Variants in SHISAL2A observed in about 807,000 individuals in gnomAD.
The protein encoded by SHISAL2A is shisa like 2A, also known as protein shisa-like-2A.
In SHISAL2A, 18 loss-of-function variants were observed where a neutral mutation model predicts 11.5. That is an observed-to-expected ratio of 1.57 (90% CI 1.08 to 2.33). The LOEUF (loss-of-function observed/expected upper bound fraction) is 2.33. Ranked by LOEUF, SHISAL2A falls within the 30% of genes most tolerant of loss-of-function variation. The pLI, the probability that SHISAL2A is intolerant of heterozygous loss-of-function variation, is 0.00. For missense variants in SHISAL2A, 261 were observed against 250.9 expected (o/e 1.04, Z -0.27); for synonymous variants, 94 against 99.6 (o/e 0.94, Z 0.34).
At chr1:52,660,063 A>G (rs1691873361), downstream of SHISAL2A, among the ~76,000 whole-genome samples, 1 of 152,144 alleles carries the variant, frequency 6.6e-6, no homozygotes, top group Non-Finnish European at 1.5e-5. Flanking sequence ...GGTCAGGAGT[A>G]AGTCCCCAGA....
chr1:52,644,578 G>A (rs1288626820), intron 2 of SHISAL2A, among the ~76,000 whole-genome samples: 4 of 152,126 alleles, frequency 2.6e-5, no homozygotes, highest in Non-Finnish European at 5.9e-5. Flanking sequence ...TACAAAATTA[G>A]CTGGGTGTGG....
downstream of SHISAL2A, among the ~76,000 whole-genome samples, chr1:52,657,682 C>A (rs1691820128): frequency 6.6e-6 from 1 of 152,102 alleles, no homozygotes; most frequent in Admixed American, 6.6e-5. Context: ...CAGTGAGACC[C>A]AGACTCTACA....
intron 1 of SHISAL2A, among the ~76,000 whole-genome samples, chr1:52,635,512 G>A (rs1055593442): frequency 2.0e-5 from 3 of 152,094 alleles, no homozygotes; most frequent in African/African-American, 7.2e-5. Context: ...CTGGGTAGGG[G>A]AGCTCACAAG....
At chr1:52,650,056 C>A (rs1691592835) in intron 2 of SHISAL2A, among the ~76,000 whole-genome samples, 1 of 152,202 alleles carries the variant, frequency 6.6e-6, no homozygotes, top group African/African-American at 2.4e-5. Context: ...CCTGCAGCAG[C>A]TGCCCCTATA....
chr1:52,657,019 C>T lies in SHISAL2A; in HGVS notation c.552C>T (p.Asp184=). The T allele has an allele frequency of 6.2e-7, 1 of 1,608,406 alleles. No individual in the cohort carries two copies. The highest frequency in any genetic ancestry group is 8.5e-7 in the Non-Finnish European group (1 of 1,176,470). The change falls in exon 3 of 3, where the codon GAC becomes GAT. Residue 184 remains aspartate, a synonymous_variant. Coordinates refer to ENST00000517870, the MANE Select transcript of SHISAL2A (RefSeq NM_001042693.3). ...AGGAAGCCTCTGTACCCAACCCTGA[C>T]CTATGTGGACCAGTCCCATAAACAT... is the stretch of plus-strand genomic sequence containing the variant. ...SPEEASVPNP[D]LCGPVP is the part of the protein sequence containing the mutation.
chr1:52,639,383 A>G (rs1480089767), intron 1 of SHISAL2A, among the ~76,000 whole-genome samples: 1 of 152,160 alleles, frequency 6.6e-6, no homozygotes, highest in Non-Finnish European at 1.5e-5. Context: ...GGGTTATGCC[A>G]TGTAATTAGT....
chr1:52,651,710 T>C (rs1456173573), intron 2 of SHISAL2A, among the ~76,000 whole-genome samples: 1 of 152,184 alleles, frequency 6.6e-6, no homozygotes, highest in Non-Finnish European at 1.5e-5. Context: ...GTTTCTTCTC[T>C]TTGAGCTAGA....
intron 2 of SHISAL2A, among the ~76,000 whole-genome samples, chr1:52,644,287 G>C (rs1691443648): frequency 6.6e-6 from 1 of 152,188 alleles, no homozygotes; most frequent in East Asian, 1.9e-4. Flanking sequence ...AAGGAGAAAG[G>C]CTGTCCCAGC....
rs1691405079 is a variant in SHISAL2A, at chr1:52,642,992, A to G, written c.312A>G (p.Leu104=). The G allele has an allele frequency of 6.2e-7, 1 of 1,614,000 alleles. No individual in the cohort carries two copies. Among genetic ancestry groups the G allele is most frequent in the Non-Finnish European group, 8.5e-7 (1 of 1,180,008 alleles). The change falls in exon 2 of 3, where the codon TTA becomes TTG. Residue 104 remains leucine, a synonymous_variant. Transcript: ENST00000517870. ...PHTKLDLGLS[L]QTAGPEEVSP... is the part of the protein sequence containing the mutation. ...CAAAGTTGGACCTGGGCTTGAGCTT[A>G]CAGACAGCAGGTAAGGAAGTTGCCA...
At chr1:52,647,855 GA>G (rs1042691022) in intron 2 of SHISAL2A, among the ~76,000 whole-genome samples, 1 of 145,786 alleles carries the variant, frequency 6.9e-6, no homozygotes, top group Non-Finnish European at 1.5e-5. Flanking sequence ...AAAAAAAAAA[GA>G]AAAAAAGAAA....
At chr1:52,658,983 A>T (rs1277860069), downstream of SHISAL2A, among the ~76,000 whole-genome samples, 2 of 152,136 alleles carry the variant, frequency 1.3e-5, no homozygotes, top group Non-Finnish European at 2.9e-5. Flanking sequence ...GCTGGAAGTC[A>T]AGAGATTTTG....
chr1:52,664,469 C>A (rs1276284991), intron 4 of SHISAL2A, among the ~76,000 whole-genome samples: 2 of 152,026 alleles, frequency 1.3e-5, no homozygotes, highest in African/African-American at 4.8e-5. Context: ...GATTCTCCTG[C>A]CTCAGCCTCC....
intron 1 of SHISAL2A, 56 bp from the exon 2 acceptor site, chr1:52,642,807 T>C (rs1691396583): frequency 6.4e-7 from 1 of 1,564,728 alleles, no homozygotes. Flanking sequence ...TTTTATAACA[T>C]CTGTCTCCCA....
chr1:52,663,573 C>T (rs147161163), intron 4 of SHISAL2A, among the ~76,000 whole-genome samples: 97 of 152,192 alleles, frequency 6.4e-4, no homozygotes, highest in African/African-American at 2.1e-3. Flanking sequence ...CCAGCCTGGC[C>T]AACATGGTGA....
chr1:52,633,393 T>C lies in SHISAL2A; in HGVS notation c.-101T>C. 1 of 1,092,852 alleles carries C rather than the reference T, an allele frequency of 9.2e-7. No individual in the cohort carries two copies. The highest frequency in any genetic ancestry group is 1.2e-6 in the Non-Finnish European group (1 of 813,042). 67.7% of individuals were successfully genotyped at this position (1,092,852 alleles called of 1,614,324 possible). A position where few individuals can be genotyped will look rare whatever the true frequency, so the allele number is the denominator to read the frequency against. ...CCCTGGGTCTCTTCGTCTCTGCCGT[T>C]CTCAGGCTCAGCTCCGTCTCGCTCG... On this transcript the variant is annotated 5_prime_UTR_variant, in exon 1 of 3. Coordinates refer to ENST00000517870, the MANE Select transcript of SHISAL2A (RefSeq NM_001042693.3). The surrounding 1 kb of genome is among the most constrained non-coding windows in gnomAD (Gnocchi z 6.4).
At chr1:52,648,675 G>A (rs1479106193) in intron 2 of SHISAL2A, among the ~76,000 whole-genome samples, 2 of 152,168 alleles carry the variant, frequency 1.3e-5, no homozygotes, top group Admixed American at 6.5e-5. Flanking sequence ...AGGTCTCAGA[G>A]AGCTTAGATG....
At chr1:52,637,137 T>C (rs1691254237) in intron 1 of SHISAL2A, among the ~76,000 whole-genome samples, 1 of 152,208 alleles carries the variant, frequency 6.6e-6, no homozygotes, top group Admixed American at 6.5e-5. Flanking sequence ...TAACATCCCA[T>C]GTCAGTGTGT....
chr1:52,640,535 C>G (rs184447802), intron 1 of SHISAL2A, among the ~76,000 whole-genome samples: 10 of 151,006 alleles, frequency 6.6e-5, no homozygotes, highest in African/African-American at 2.4e-4. Flanking sequence ...AGGTCAAGGG[C>G]GGGGGAATCA....
chr1:52,637,766 A>G (rs920267389), intron 1 of SHISAL2A, among the ~76,000 whole-genome samples: 25 of 152,228 alleles, frequency 1.6e-4, no homozygotes, highest in African/African-American at 6.0e-4. Flanking sequence ...TGGCAGAACC[A>G]GGATTTGAAC....
Sources: allele counts gnomAD v4.1 joint callset (sites outside exome capture counted in the v4.1 genomes callset), GRCh38; gene constraint gnomAD v4.1.1; non-coding constraint Gnocchi (gnomAD v3.1); transcripts MANE v1.5; gene names NCBI Gene and HGNC (gene_info 2026-07-23, HGNC 2026-07-21).